Variants in FANCB observed in about 807,000 individuals in gnomAD.
FANCB encodes Fanconi anemia group B protein.
FANCB carries 5 observed loss-of-function variants against 38.9 expected under a neutral mutation model. The observed-to-expected ratio is 0.13, with a 90% CI of 0.07 to 0.27. The LOEUF (loss-of-function observed/expected upper bound fraction) is 0.27, where lower values mean the gene tolerates loss of function less well. Ranked by LOEUF, FANCB falls within the 10% of genes least tolerant of loss-of-function variation. The pLI, the probability that FANCB is intolerant of heterozygous loss-of-function variation, is 1.00. For missense variants in FANCB, 573 were observed against 602.7 expected (o/e 0.95, Z 0.52); for synonymous variants, 236 against 215.4 (o/e 1.10, Z -0.84).
chrX:14,798,688 C>T, the FANCB span, among the ~76,000 whole-genome samples: 2 of 111,902 alleles, frequency 1.8e-5, no homozygotes, highest in Non-Finnish European at 3.8e-5. Flanking sequence ...GGATCAGATG[C>T]TTGATAATTC....
the FANCB span, among the ~76,000 whole-genome samples, chrX:14,758,347 C>T: frequency 8.9e-6 from 1 of 112,168 alleles, no homozygotes; most frequent in Non-Finnish European, 1.9e-5. Context: ...CCCACCGTCT[C>T]ATCCTCCCTA....
At chrX:14,847,655 A>G (rs1233900851) in intron 7 of FANCB, among the ~76,000 whole-genome samples, 1 of 111,286 alleles carries the variant, frequency 9.0e-6, no homozygotes, top group Non-Finnish European at 1.9e-5. Context: ...AAGGAGGAAA[A>G]AAAAAAAAAG....
the FANCB span, among the ~76,000 whole-genome samples, chrX:14,796,659 TATAC>T: frequency 1.2e-3 from 45 of 36,875 alleles, no homozygotes; most frequent in African/African-American, 3.1e-3. Context: ...TAAGTGCATA[TATAC>T]ACACACACAC....
chrX:14,723,842 A>T, the FANCB span, among the ~76,000 whole-genome samples: 1 of 112,290 alleles, frequency 8.9e-6, no homozygotes, highest in Non-Finnish European at 1.9e-5. Context: ...GTAAGCTCTC[A>T]TAGCATCTTA....
chrX:14,787,265 A>G, the FANCB span, among the ~76,000 whole-genome samples: 1 of 111,317 alleles, frequency 9.0e-6, no homozygotes, highest in Non-Finnish European at 1.9e-5. Flanking sequence ...AAAAGCACAT[A>G]TAAGTGAAAT....
the FANCB span, among the ~76,000 whole-genome samples, chrX:14,785,040 C>A: frequency 2.7e-5 from 3 of 111,698 alleles, no homozygotes; most frequent in South Asian, 1.1e-3. Flanking sequence ...ATAAGGAGAG[C>A]ATTAGGAAGA....
chrX:14,786,412 C>T, the FANCB span, among the ~76,000 whole-genome samples: 1 of 111,303 alleles, frequency 9.0e-6, no homozygotes, highest in African/African-American at 3.3e-5. Context: ...CTCTTCCTGA[C>T]CCCTAGATGA....
the FANCB span, among the ~76,000 whole-genome samples, chrX:14,757,729 T>A: frequency 9.0e-6 from 1 of 111,619 alleles, no homozygotes; most frequent in Non-Finnish European, 1.9e-5. Flanking sequence ...CGCGGATCCT[T>A]GGGGAGGGAT....
the FANCB span, among the ~76,000 whole-genome samples, chrX:14,732,837 AT>A: frequency 1.5e-3 from 167 of 111,853 alleles, no homozygotes; most frequent in African/African-American, 5.0e-3. Context: ...TTGCCTGTTG[AT>A]TCTGATGATA....
Position 14,844,566 on chromosome X carries a change from T to G in FANCB, c.2102A>C (p.Tyr701Ser). ...CTGTTTCCAAGTGAAGAGTGTCCCA[T>G]AGAAACTTCCCGGTCTTTCACAAAA... is the stretch of plus-strand genomic sequence containing the variant. ...VYFCERPGSFYGTLFTWKQRT... is the reference protein window; with the variant it reads ...VYFCERPGSFSGTLFTWKQRT... Residue 701 changes from tyrosine (Y) to serine (S), a missense_variant, in exon 9 of 10, where the codon TAT becomes TCT. Tyr to Ser is a moderately radical substitution (Grantham distance 144, BLOSUM62 -2). Transcript: ENST00000650831. The G allele has an allele frequency of 8.3e-7, 1 of 1,208,564 alleles. No individual in the cohort carries two copies. Among genetic ancestry groups the G allele is most frequent in the Non-Finnish European group, 1.1e-6 (1 of 893,767 alleles).
chrX:14,844,765 T>C (rs1479006056), intron 8 of FANCB, 25 bp from the exon 9 acceptor site: 6 of 1,155,036 alleles, frequency 5.2e-6, no homozygotes, highest in African/African-American at 1.8e-5. Flanking sequence ...ACAAGCTCTA[T>C]CATTAAACTC....
chrX:14,701,705 A>AAAAC, the FANCB span, among the ~76,000 whole-genome samples: 2 of 112,969 alleles, frequency 1.8e-5, no homozygotes, highest in African/African-American at 3.2e-5. Flanking sequence ...TATTTGCAAT[A>AAAAC]AAACAGTTAA....
At position 14,864,989 on chromosome X, in the gene FANCB, C is replaced by T; in HGVS notation, c.522G>A (p.Gly174=). 1 of 1,211,151 alleles carries T rather than the reference C, an allele frequency of 8.3e-7. No homozygotes were observed. The highest frequency in any genetic ancestry group is 1.1e-6 in the Non-Finnish European group (1 of 895,183). ...AAACCATACCTAAATTTTCAATCTCCCCTGCCCACTGAATAGAGGAAAAGT... is the reference window on the plus strand; with the variant it reads ...AAACCATACCTAAATTTTCAATCTCTCCTGCCCACTGAATAGAGGAAAAGT... ...SGNFSSIQWA[G]EIENLGMVLL... is the part of the protein sequence containing the mutation. Residue 174 remains glycine (G), a synonymous_variant, in exon 3 of 10, where the codon GGG becomes GGA. Coordinates refer to ENST00000650831, the MANE Select transcript of FANCB (RefSeq NM_001018113.3).
chrX:14,789,962 T>C, the FANCB span, among the ~76,000 whole-genome samples: 1 of 112,219 alleles, frequency 8.9e-6, no homozygotes, highest in Non-Finnish European at 1.9e-5. Context: ...TGTGCTATTA[T>C]TAATGCATAT....
the FANCB span, among the ~76,000 whole-genome samples, chrX:14,817,864 C>A: frequency 8.9e-6 from 1 of 111,780 alleles, no homozygotes; most frequent in Non-Finnish European, 1.9e-5. Context: ...AGATGAAGTG[C>A]ACTTGCCCAA....
At chrX:14,726,792 T>C in the FANCB span, among the ~76,000 whole-genome samples, 1 of 112,524 alleles carries the variant, frequency 8.9e-6, no homozygotes, top group African/African-American at 3.2e-5. Context: ...CACGTGGACA[T>C]GTATATTTAA....
the FANCB span, among the ~76,000 whole-genome samples, chrX:14,716,054 T>A: frequency 1.8e-5 from 2 of 111,515 alleles, no homozygotes; most frequent in African/African-American, 6.5e-5. Context: ...TGTGACTGTA[T>A]AGTATGCATA....
At chrX:14,781,313 C>A in the FANCB span, among the ~76,000 whole-genome samples, 1 of 109,709 alleles carries the variant, frequency 9.1e-6, no homozygotes, top group Admixed American at 9.7e-5. Flanking sequence ...GCCTATAATC[C>A]CAGCTAGCTA....
the FANCB span, among the ~76,000 whole-genome samples, chrX:14,802,223 G>A: frequency 9.0e-6 from 1 of 111,511 alleles, no homozygotes; most frequent in East Asian, 2.8e-4. Flanking sequence ...ACAAGGGGGA[G>A]GAAGGGCACT....
Sources: gnomAD v4.1 joint callset for allele counts (sites outside exome capture counted in the v4.1 genomes callset) on GRCh38, gnomAD v4.1.1 for gene constraint, MANE v1.5 for transcripts, NCBI Gene and HGNC (gene_info 2026-07-23, HGNC 2026-07-21) for gene names.